Variants in NRROS observed in about 807,000 individuals in gnomAD.
NRROS encodes the protein transforming growth factor beta activator LRRC33.
A neutral mutation model predicts 12.0 loss-of-function variants in NRROS; 6 were observed. That is an observed-to-expected ratio of 0.50 (90% CI 0.27 to 0.98). NRROS has a LOEUF of 0.98. Ranked by LOEUF, NRROS falls within the 50% of genes least tolerant of loss-of-function variation. NRROS has a pLI of 0.11. For missense variants in NRROS, 857 were observed against 888.2 expected, an observed-to-expected ratio of 0.96 and a Z score of 0.45; for synonymous variants, 462 against 410.2, an observed-to-expected ratio of 1.13 and a Z score of -1.53.
rs1452668609 is a variant in NRROS at position 196,659,991 on chromosome 3, C to T, written c.348C>T (p.Cys116=). 2 of 1,613,738 alleles carry T rather than the reference C, an allele frequency of 1.2e-6. No individual in the cohort carries two copies. Among genetic ancestry groups the T allele is most frequent in the East Asian group, 4.5e-5 (2 of 44,872 alleles). Residue 116 remains cysteine, a synonymous_variant, in exon 3 of 3, where the codon TGC becomes TGT. Transcript: ENST00000328557. ...GCAGCCTGGTCCTGGGGGACAACTG[C>T]CTCTCAGAGAACTACGAAGAGACGG... The part of the protein sequence containing the change: ...HLRSLVLGDN[C]LSENYEETAA...
rs1182782575 is a variant in NRROS, at chr3:196,661,185, G to C, written c.1542G>C (p.Gln514His). 1.2e-6 allele frequency: 2 copies of C among 1,613,280 alleles called. No individual in the cohort carries two copies. The highest frequency in any genetic ancestry group is 1.7e-6 in the Non-Finnish European group (2 of 1,179,716). The change falls in exon 3 of 3, where the codon CAG becomes CAC. Residue 514 changes from glutamine (Q) to histidine (H), a missense_variant. Transcript: ENST00000328557. ...APLQDVAPML[Q>H]VLSLRNMGLH... ...TCCAGGATGTTGCCCCCATGTTACA[G>C]GTCCTGTCTCTCAGGAACATGGGCC...
intron 1 of NRROS, among the ~76,000 whole-genome samples, chr3:196,645,691 GA>G (rs1378718246): frequency 6.6e-6 from 1 of 152,084 alleles, no homozygotes; most frequent in African/African-American, 2.4e-5. Context: ...CTTTCTCAAG[GA>G]AACCAAGTAG....
At chr3:196,658,046 C>T (rs1737575613) in intron 2 of NRROS, among the ~76,000 whole-genome samples, 1 of 152,172 alleles carries the variant, frequency 6.6e-6, no homozygotes, top group African/African-American at 2.4e-5. Flanking sequence ...CGTAACCATC[C>T]AAAGGTCACC....
chr3:196,652,525 T>C (rs938361851), intron 1 of NRROS, among the ~76,000 whole-genome samples: 8 of 152,248 alleles, frequency 5.3e-5, no homozygotes, highest in Non-Finnish European at 1.2e-4. Context: ...AACTCTGGTC[T>C]GCTTGGTTCC....
At chr3:196,641,180 T>C (rs1737202207) in intron 1 of NRROS, among the ~76,000 whole-genome samples, 1 of 151,560 alleles carries the variant, frequency 6.6e-6, no homozygotes, top group South Asian at 2.1e-4. Flanking sequence ...CAAACTCAGC[T>C]TCACAAAGAA....
Position 196,659,907 on chromosome 3 carries a change from G to A in NRROS, c.264G>A (p.Leu88=). The A allele has an allele frequency of 6.2e-7, 1 of 1,614,114 alleles. No individual in the cohort carries two copies. Among genetic ancestry groups the A allele is most frequent in the Non-Finnish European group, 8.5e-7 (1 of 1,179,996 alleles). The change falls in exon 3 of 3, where the codon CTG becomes CTA. Residue 88 remains leucine (L), a synonymous_variant. Transcript: ENST00000328557. ...ACCCTCTCCTGGAGAGCCTCAGCCT[G>A]CACAGCTGCCACCTGGAGCGCATCA... is the stretch of plus-strand genomic sequence containing the variant. The part of the protein sequence containing the change: ...QPYPLLESLS[L]HSCHLERISR...
chr3:196,661,393 A>G lies in NRROS; in HGVS notation c.1750A>G (p.Arg584Gly), dbSNP rs1737676338. ...PQKAVSEQLS[R>G]GLRTIYLSQN... is the part of the protein sequence containing the mutation. ...GAAGGCTGTGTCTGAGCAGCTCTCG[A>G]GAGGTCTGCGGACCATCTACCTCAG... is the stretch of plus-strand genomic sequence containing the variant. The change falls in exon 3 of 3, where the codon AGA becomes GGA. Residue 584 changes from arginine (R) to glycine (G), a missense_variant. Physicochemically the swap from Arg to Gly is moderately radical, Grantham distance 125. Transcript: ENST00000328557. 6.4e-7 allele frequency: 1 copy of G among 1,571,638 alleles called. No homozygotes were observed. Among genetic ancestry groups the G allele is most frequent in the African/African-American group, 1.3e-5 (1 of 74,142 alleles).
chr3:196,651,954 CAG>C (rs1050175134), intron 1 of NRROS, among the ~76,000 whole-genome samples: 2 of 152,076 alleles, frequency 1.3e-5, no homozygotes. Flanking sequence ...ACTAAACCAG[CAG>C]AGTTTGTGAC....
At chr3:196,643,237 A>G (rs1737242390) in intron 1 of NRROS, among the ~76,000 whole-genome samples, 1 of 152,210 alleles carries the variant, frequency 6.6e-6, no homozygotes, top group Admixed American at 6.5e-5. Context: ...GGCGAAACCA[A>G]CCAATTTCCA....
At chr3:196,659,139 C>T (rs1028054137) in intron 2 of NRROS, among the ~76,000 whole-genome samples, 2 of 152,114 alleles carry the variant, frequency 1.3e-5, no homozygotes, top group Admixed American at 6.6e-5. Flanking sequence ...CCTCCTTATT[C>T]TGCATGATCA....
intron 1 of NRROS, among the ~76,000 whole-genome samples, chr3:196,642,701 A>G (rs367714608): frequency 5.0e-4 from 76 of 152,304 alleles, no homozygotes; most frequent in African/African-American, 1.8e-3. Flanking sequence ...AGACTTTTGA[A>G]GAAAGGAAGG....
intron 1 of NRROS, among the ~76,000 whole-genome samples, chr3:196,651,760 C>T (rs968581367): frequency 2.6e-5 from 4 of 152,076 alleles, no homozygotes; most frequent in African/African-American, 4.8e-5. Context: ...GAGCAAAACT[C>T]CGTCTCAAAA....
chr3:196,653,337 C>T (rs1737469064), intron 1 of NRROS, among the ~76,000 whole-genome samples: 1 of 152,202 alleles, frequency 6.6e-6, no homozygotes, highest in African/African-American at 2.4e-5. Flanking sequence ...CACTGGTGAG[C>T]ATTCAAATCT....
At position 196,654,693 on chromosome 3, in the gene NRROS, C is replaced by G. The variant is rs373463113; in HGVS notation, c.108+46C>G. On this transcript the variant is annotated intron_variant, in intron 2 of 2. Coordinates refer to ENST00000328557, the MANE Select transcript of NRROS (RefSeq NM_198565.3). This position sits in a 1 kb window ranked among gnomAD's most constrained non-coding sequence, Gnocchi z 4.4. ...GATCTGTCGGCTGCTCCTGTCCTGA[C>G]AAGGCTTGGTCCATTTGGAAAGCTG... The G allele has an allele frequency of 8.2e-7, 1 of 1,214,498 alleles. No individual in the cohort carries two copies. The highest frequency in any genetic ancestry group is 1.2e-6 in the Non-Finnish European group (1 of 832,436). The allele number at this position is 1,214,498 out of a possible 1,614,324, so 75.2% of individuals were successfully genotyped here. A position where few individuals can be genotyped will look rare whatever the true frequency, so the allele number is the denominator to read the frequency against.
Position 196,661,851 on chromosome 3 carries a change from C to G in NRROS, c.*129C>G. Reference sequence around the variant, plus strand: ...TTTCAATTAAAATTTAATATGTTTCCATTCCTCATCGCCCACCCCACCCCC... The same window carrying G: ...TTTCAATTAAAATTTAATATGTTTCGATTCCTCATCGCCCACCCCACCCCC... On this transcript the variant is annotated 3_prime_UTR_variant, in exon 3 of 3. Transcript: ENST00000328557. 1 of 776,256 alleles carries G rather than the reference C, an allele frequency of 1.3e-6. No individual in the cohort carries two copies. 48.1% of individuals were successfully genotyped at this position (776,256 alleles called of 1,614,324 possible). A position where few individuals can be genotyped will look rare whatever the true frequency, so the allele number is the denominator to read the frequency against.
In NRROS at chr3:196,661,602, C is replaced by G. The variant is rs750400735; in HGVS notation, c.1959C>G (p.Leu653=). ...WERLDLGLLY[L]VLILPSCLTL... is the part of the protein sequence containing the mutation. Reference sequence around the variant, plus strand: ...GGCTGGACCTGGGCCTGCTCTACCTCGTGCTCATCCTCCCCAGCTGCCTCA... The same window carrying G: ...GGCTGGACCTGGGCCTGCTCTACCTGGTGCTCATCCTCCCCAGCTGCCTCA... Residue 653 remains leucine (L), a synonymous_variant, in exon 3 of 3, where the codon CTC becomes CTG. Coordinates refer to ENST00000328557, the MANE Select transcript of NRROS (RefSeq NM_198565.3). 50 of 1,613,536 alleles carry G rather than the reference C, an allele frequency of 3.1e-5. No individual in the cohort carries two copies. Among genetic ancestry groups the G allele is most frequent in the South Asian group, 2.0e-4 (18 of 91,088 alleles).
At chr3:196,640,821 G>A (rs981196539) in intron 1 of NRROS, among the ~76,000 whole-genome samples, 2 of 152,178 alleles carry the variant, frequency 1.3e-5, no homozygotes, top group East Asian at 1.9e-4. Context: ...AGGGCTGGTC[G>A]GGGCTGCTGT....
intron 2 of NRROS, among the ~76,000 whole-genome samples, chr3:196,655,307 G>A (rs2018684): frequency 6.6e-6 from 1 of 151,506 alleles, no homozygotes; most frequent in African/African-American, 2.4e-5. Context: ...GGCCAAGTCC[G>A]GCGGATCACC....
At chr3:196,655,358 A>C (rs1427451381) in intron 2 of NRROS, among the ~76,000 whole-genome samples, 1 of 151,938 alleles carries the variant, frequency 6.6e-6, no homozygotes. Context: ...AACATGGTGA[A>C]ACCCCGTCTC....
Sources: gnomAD v4.1 joint callset for allele counts (sites outside exome capture counted in the v4.1 genomes callset) on GRCh38, gnomAD v4.1.1 for gene constraint, Gnocchi (gnomAD v3.1) non-coding constraint, MANE v1.5 for transcripts, NCBI Gene and HGNC (gene_info 2026-07-23, HGNC 2026-07-21) for gene names.